Variants in DDX5 observed in about 807,000 individuals in gnomAD.
DDX5 encodes the protein DEAD-box helicase 5.
DDX5 carries 6 observed loss-of-function variants against 68.6 expected under a neutral mutation model. That is an observed-to-expected ratio of 0.09 (90% CI 0.05 to 0.17). DDX5 has a LOEUF of 0.17. Among genes scored for constraint, DDX5 ranks in the 10% least tolerant of loss-of-function variants. DDX5 has a pLI of 1.00. For synonymous variants in DDX5, 350 were observed against 247.0 expected, an observed-to-expected ratio of 1.42 and a Z score of -3.91; for missense variants, 499 against 756.1, an observed-to-expected ratio of 0.66 and a Z score of 3.99.
intron 5 of DDX5, 67 bp from the exon 6 acceptor site, chr17:64,503,638 C>T: frequency 6.3e-7 from 1 of 1,585,826 alleles, no homozygotes; most frequent in Non-Finnish European, 8.6e-7. Flanking sequence ...ACTTATTATA[C>T]TAGCAGATCC....
In DDX5 at chr17:64,506,115, G is replaced by A. The variant is rs1555672508; in HGVS notation, c.5C>T (p.Ser2Leu). The change falls in exon 1 of 13, where the codon TCG (serine) becomes TTG (leucine). Residue 2 changes from serine to leucine, a missense_variant. Transcript: ENST00000225792. ...GCGGTCTCGGTCACTCGAATAACCC[G>A]ACATGGCGTCAATGGTTGCGGTTGG... M[S>L]GYSSDRDRGR... 4.0e-6 allele frequency: 6 copies of A among 1,498,576 alleles called. No individual in the cohort carries two copies. The highest frequency in any genetic ancestry group is 1.1e-5 in the South Asian group (1 of 88,668). 92.8% of individuals were successfully genotyped at this position (1,498,576 alleles called of 1,614,324 possible). A position where few individuals can be genotyped will look rare whatever the true frequency, so the allele number is the denominator to read the frequency against.
rs1555670402 is a variant in DDX5 at position 64,499,089 on chromosome 17, AG to A, written c.*833del. On this transcript the variant is annotated 3_prime_UTR_variant, in exon 13 of 13. Coordinates refer to ENST00000225792, the MANE Select transcript of DDX5 (RefSeq NM_004396.5). ...CTGCACTAAGAACGAAATTCAGTAA[AG>A]GAGACTCAAGCTTAGCTCCTGGCCA... Among the ~76,000 whole-genome samples the A allele has an allele frequency of 6.6e-6, 1 of 152,222 alleles. No homozygotes were observed. The highest frequency in any genetic ancestry group is 1.5e-5 in the Non-Finnish European group (1 of 68,038).
chr17:64,506,547 A>C (rs2038536185), upstream of DDX5: 2 of 507,658 alleles, frequency 3.9e-6, no homozygotes, highest in African/African-American at 1.9e-5. Flanking sequence ...CAAGCAAGCC[A>C]CCCCGCCCTT....
intron 9 of DDX5, 73 bp from the exon 10 acceptor site, chr17:64,502,296 G>A: frequency 6.5e-7 from 1 of 1,535,870 alleles, no homozygotes; most frequent in Non-Finnish European, 9.0e-7. Context: ...ACCACTTTTG[G>A]TCACAGATCT....
chr17:64,506,784 C>A (rs562193121), upstream of DDX5: 3 of 537,368 alleles, frequency 5.6e-6, no homozygotes, highest in African/African-American at 5.8e-5. Flanking sequence ...CCCCGGGACC[C>A]GCCCGGGCTG....
chr17:64,506,019 G>GGGGCCCCCCCCC, intron 1 of DDX5, 57 bp downstream of exon 1: 2 of 1,360,440 alleles, frequency 1.5e-6, no homozygotes, highest in African/African-American at 1.5e-5. Context: ...CCGCCACCCT[G>GGGGCCCCCCCCC]ACCCGCCCTC....
At position 64,500,295 on chromosome 17, in the gene DDX5, A is replaced by G. The variant is rs537647458; in HGVS notation, c.1473T>C (p.Asp491=). 1.2e-6 allele frequency: 2 copies of G among 1,612,820 alleles called. No individual in the cohort carries two copies. The highest frequency in any genetic ancestry group is 2.2e-5 in the East Asian group (1 of 44,854). The change falls in exon 13 of 13, where the codon GAT becomes GAC. Residue 491 remains aspartate, a synonymous_variant. Transcript: ENST00000225792. ...CCGCAGAGTATCTGTCCCGACGGTC[A>G]TCCTTCATGCCTCCTCTACCCCTGG... ...GRSRGRGGMK[D]DRRDRYSAGK...
In DDX5 at chr17:64,504,748, T is replaced by C. The variant is rs1555671802; in HGVS notation, c.139A>G (p.Asn47Asp). ...PGEKLVKKKW[N>D]LDELPKFEKN... ...TCAAATTTAGGCAGCTCATCAAGAT[T>C]CCACTTCTTTTTAACTAATTTCTCC... The change falls in exon 2 of 13, where the codon AAT becomes GAT. Residue 47 changes from asparagine (N) to aspartate (D), a missense_variant. Around this residue, in one of 5 missense-constraint regions of DDX5, gnomAD observed 140 missense variants for 135.7 expected, o/e 1.03. Transcript: ENST00000225792. The C allele has an allele frequency of 1.2e-6, 2 of 1,614,154 alleles. No individual in the cohort carries two copies. The highest frequency in any genetic ancestry group is 2.2e-5 in the South Asian group (2 of 91,070).
chr17:64,505,477 G>C, intron 1 of DDX5: 3 of 567,840 alleles, frequency 5.3e-6, no homozygotes, highest in Non-Finnish European at 9.4e-6. Flanking sequence ...TCGGCCGGGC[G>C]GCGTTCCCGC....
At chr17:64,501,942 A>ATTG in intron 11 of DDX5, 68 bp downstream of exon 11, 1 of 1,494,066 alleles carries the variant, frequency 6.7e-7, no homozygotes, top group Non-Finnish European at 9.3e-7. Context: ...AAAGCAATAA[A>ATTG]CTTTCTTTAA....
At position 64,506,172 on chromosome 17, in the gene DDX5, C is replaced by G. The variant is rs1555672576; in HGVS notation, c.-53G>C. ...ACGAAGTATATAGAAAAGCGTGCGA[C>G]AAGTCGCTGGAAATGGCCTCGATGA... On this transcript the variant is annotated 5_prime_UTR_variant, in exon 1 of 13. Transcript: ENST00000225792. The G allele has an allele frequency of 6.3e-7, 1 of 1,595,068 alleles. No homozygotes were observed. Among genetic ancestry groups the G allele is most frequent in the South Asian group, 1.1e-5 (1 of 87,820 alleles).
chr17:64,501,942 A>C (rs1482996495), intron 11 of DDX5, 68 bp downstream of exon 11: 9 of 1,493,962 alleles, frequency 6.0e-6, no homozygotes, highest in Non-Finnish European at 8.3e-6. Context: ...AAAGCAATAA[A>C]CTTTCTTTAA....
chr17:64,505,458 C>G (rs567899699), intron 1 of DDX5: 16 of 567,220 alleles, frequency 2.8e-5, no homozygotes, highest in African/African-American at 2.1e-4. Context: ...AGTCCCGGCC[C>G]GGGCGGAGTC....
rs1326120015 is a variant in DDX5, at chr17:64,504,201, G to C, written c.307+21C>G. 1.9e-6 allele frequency: 3 copies of C among 1,612,926 alleles called. No individual in the cohort carries two copies. The South Asian group carries it at 3.3e-5, about 18-fold the overall frequency. On this transcript the variant is annotated intron_variant, in intron 3 of 12. Transcript: ENST00000225792. ...GTGGAAACAAAAACACGGGTAGGTAGAACTGAAAAGTAGCACTTACCAGGG... is the reference window on the plus strand; with the variant it reads ...GTGGAAACAAAAACACGGGTAGGTACAACTGAAAAGTAGCACTTACCAGGG...
In DDX5 at chr17:64,504,316, T is replaced by C. The variant is rs781996716; in HGVS notation, c.213A>G (p.Gln71=). 2 of 1,613,466 alleles carry C rather than the reference T, an allele frequency of 1.2e-6. No individual in the cohort carries two copies. The highest frequency in any genetic ancestry group is 1.7e-5 in the Admixed American group (1 of 60,020). The change falls in exon 3 of 13, where the codon CAA becomes CAG. Residue 71 remains glutamine (Q), a splice_region_variant and synonymous_variant. Coordinates refer to ENST00000225792, the MANE Select transcript of DDX5 (RefSeq NM_004396.5). The part of the protein sequence containing the change: ...EHPDLARRTA[Q]EVETYRRSKE... ...TGCTTCTTCTGTATGTTTCCACCTC[T>C]TGCTGCAAAACAAATTATAACAGTC...
chr17:64,505,959 T>C (rs2144287318), intron 1 of DDX5, 117 bp downstream of exon 1: 3 of 1,538,558 alleles, frequency 1.9e-6, no homozygotes, highest in South Asian at 2.4e-5. Context: ...GGAAAGGAAG[T>C]CCCAAGATAG....
chr17:64,499,730 A>C lies in DDX5; in HGVS notation c.*193T>G, dbSNP rs781819867. 5 of 489,788 alleles carry C rather than the reference A, an allele frequency of 1.0e-5. No individual in the cohort carries two copies. The highest frequency in any genetic ancestry group is 7.8e-5 in the African/African-American group (4 of 51,146). 30.3% of individuals were successfully genotyped at this position (489,788 alleles called of 1,614,324 possible). On this transcript the variant is annotated 3_prime_UTR_variant, in exon 13 of 13. Transcript: ENST00000225792. ...AAACACTGCCTGCATTTTCTAGTACAAAAAAAACCTAAAAATTGTTTCAGG... is the reference window on the plus strand; with the variant it reads ...AAACACTGCCTGCATTTTCTAGTACCAAAAAAACCTAAAAATTGTTTCAGG...
chr17:64,503,926 T>C (rs2038360666), intron 4 of DDX5, 57 bp downstream of exon 4: 10 of 1,613,472 alleles, frequency 6.2e-6, no homozygotes, highest in African/African-American at 2.7e-5. Context: ...CGTTTTTAAA[T>C]TACCATTACA....
At chr17:64,500,961 T>C (rs1197932087) in intron 11 of DDX5, 188 bp from the exon 12 acceptor site, 2 of 599,464 alleles carry the variant, frequency 3.3e-6, no homozygotes, top group Non-Finnish European at 5.9e-6. Context: ...AAAAAGCACA[T>C]GTCATCTGTA....
Sources: allele counts gnomAD v4.1 joint callset (sites outside exome capture counted in the v4.1 genomes callset), GRCh38; gene constraint gnomAD v4.1.1; regional missense constraint gnomAD v4.1.1; transcripts MANE v1.5; gene names NCBI Gene and HGNC (gene_info 2026-07-23, HGNC 2026-07-21).